Variants in SEC24B observed in about 807,000 individuals in gnomAD.
SEC24B encodes the protein protein transport protein Sec24B.
In SEC24B, 45 loss-of-function variants were observed where a neutral mutation model predicts 142.8. That is an observed-to-expected ratio of 0.32 (90% CI 0.25 to 0.40). The LOEUF (loss-of-function observed/expected upper bound fraction) is 0.40, where lower values mean the gene tolerates loss of function less well. Among genes scored for constraint, SEC24B ranks in the 10% least tolerant of loss-of-function variants. The probability of loss-of-function intolerance (pLI) is 1.00; values close to 1 mark genes in which losing one functional copy is unlikely to be tolerated. For synonymous variants in SEC24B, 574 were observed against 568.2 expected (o/e 1.01, Z -0.15); for missense variants, 1,409 against 1,526.8 (o/e 0.92, Z 1.29).
chr4:109,450,270 A>G (rs1476964354), intron 1 of SEC24B, among the ~76,000 whole-genome samples: 1 of 152,114 alleles, frequency 6.6e-6, no homozygotes. Flanking sequence ...AGGTATACCA[A>G]ATGATTTGTG....
chr4:109,437,235 C>T (rs1034482493), intron 1 of SEC24B, among the ~76,000 whole-genome samples: 5 of 152,120 alleles, frequency 3.3e-5, no homozygotes, highest in African/African-American at 9.7e-5. Context: ...CACATCTGGT[C>T]ACAGAAGTGG....
At position 109,433,889 on chromosome 4, in the gene SEC24B, C is replaced by T. The variant is rs969174381; in HGVS notation, c.20C>T (p.Ser7Phe). Reference protein sequence around the residue: MSAPAGSSHPAASARIP... With the variant: MSAPAGFSHPAASARIP... ...GCCGTCATGTCGGCCCCCGCCGGGT[C>T]CTCTCACCCGGCCGCCAGCGCCCGG... The change falls in exon 1 of 24, where the codon TCC (serine) becomes TTC (phenylalanine). Residue 7 changes from serine to phenylalanine, a missense_variant. Transcript: ENST00000265175. 3 of 1,343,436 alleles carry T rather than the reference C, an allele frequency of 2.2e-6. No homozygotes were observed. The African/African-American group carries it at 4.6e-5, about 20-fold the overall frequency. 83.2% of individuals were successfully genotyped at this position (1,343,436 alleles called of 1,614,324 possible).
intron 1 of SEC24B, among the ~76,000 whole-genome samples, chr4:109,458,310 T>C (rs1280154191): frequency 6.6e-6 from 1 of 152,220 alleles, no homozygotes; most frequent in Non-Finnish European, 1.5e-5. Context: ...TTTTGGAATA[T>C]ATTTTCTTTT....
chr4:109,500,849 G>T (rs1444238274), intron 6 of SEC24B, among the ~76,000 whole-genome samples: 1 of 152,036 alleles, frequency 6.6e-6, no homozygotes, highest in Non-Finnish European at 1.5e-5. Context: ...AGTAGAGATG[G>T]GGTTTCACCA....
intron 1 of SEC24B, among the ~76,000 whole-genome samples, chr4:109,454,297 G>A (rs1202510801): frequency 6.6e-6 from 1 of 152,006 alleles, no homozygotes; most frequent in Admixed American, 6.5e-5. Context: ...CCAGTACTTA[G>A]GGAGGCCGAG....
At position 109,433,862 on chromosome 4, in the gene SEC24B, G is replaced by A; in HGVS notation, c.-8G>A. The A allele has an allele frequency of 1.5e-6, 2 of 1,326,378 alleles. No individual in the cohort carries two copies. Among genetic ancestry groups the A allele is most frequent in the Non-Finnish European group, 1.9e-6 (2 of 1,035,482 alleles). 82.2% of individuals were successfully genotyped at this position (1,326,378 alleles called of 1,614,324 possible). On this transcript the variant is annotated 5_prime_UTR_variant, in exon 1 of 24. Coordinates refer to ENST00000265175, the MANE Select transcript of SEC24B (RefSeq NM_006323.5). ...TGAAGCGGAGCCGCCGTCGCCACCA[G>A]CGCCGTCATGTCGGCCCCCGCCGGG...
intron 4 of SEC24B, among the ~76,000 whole-genome samples, chr4:109,485,997 GA>G (rs994622264): frequency 4.7e-5 from 7 of 150,194 alleles, no homozygotes; most frequent in South Asian, 2.1e-4. Flanking sequence ...GAAAGCTGAG[GA>G]AAAAAAAACA....
At chr4:109,451,135 T>C (rs1432712508) in intron 1 of SEC24B, 1 of 152,206 alleles carries the variant, frequency 6.6e-6, no homozygotes, top group Non-Finnish European at 1.5e-5. Context: ...GCCCATTTAA[T>C]CCCATTTTAA....
intron 10 of SEC24B, 30 bp from the exon 11 acceptor site, chr4:109,516,498 A>G: frequency 2.9e-6 from 4 of 1,375,664 alleles, no homozygotes; most frequent in Non-Finnish European, 3.0e-6. Flanking sequence ...GTACCTACCA[A>G]ATAACTTACT....
At chr4:109,479,170 G>A (rs1733471255) in intron 3 of SEC24B, among the ~76,000 whole-genome samples, 3 of 152,078 alleles carry the variant, frequency 2.0e-5, no homozygotes, top group African/African-American at 7.2e-5. Flanking sequence ...AAAATATTGG[G>A]GCCCTTTGAA....
intron 6 of SEC24B, among the ~76,000 whole-genome samples, chr4:109,497,081 A>G (rs981962720): frequency 6.6e-6 from 1 of 152,262 alleles, no homozygotes. Flanking sequence ...TTGTAAATAA[A>G]GTTTTATTGC....
intron 11 of SEC24B, among the ~76,000 whole-genome samples, chr4:109,517,943 G>A (rs998230043): frequency 1.0e-4 from 14 of 139,828 alleles, no homozygotes; most frequent in African/African-American, 3.0e-4. Context: ...TTGTTTGTTT[G>A]TTTGTTTATT....
intron 6 of SEC24B, 48 bp from the exon 7 acceptor site, chr4:109,506,276 AATTT>A: frequency 3.0e-6 from 4 of 1,336,694 alleles, no homozygotes; most frequent in East Asian, 5.5e-5. Flanking sequence ...TATATAAGAA[AATTT>A]ATTTATGTTT....
intron 14 of SEC24B, among the ~76,000 whole-genome samples, chr4:109,523,583 T>C (rs1385429618): frequency 6.6e-6 from 1 of 152,216 alleles, no homozygotes; most frequent in Non-Finnish European, 1.5e-5. Context: ...CTATTTCAAA[T>C]AATAAATGAA....
At chr4:109,464,621 A>G (rs1356539268) in intron 2 of SEC24B, among the ~76,000 whole-genome samples, 1 of 152,230 alleles carries the variant, frequency 6.6e-6, no homozygotes, top group Admixed American at 6.5e-5. Flanking sequence ...GAACCGAATG[A>G]AAATGCATGT....
In SEC24B at chr4:109,539,680, G is replaced by A; in HGVS notation, c.*5G>A. 6.6e-7 allele frequency: 1 copy of A among 1,522,204 alleles called. No individual in the cohort carries two copies. Among genetic ancestry groups the A allele is most frequent in the South Asian group, 1.1e-5 (1 of 88,064 alleles). The allele number at this position is 1,522,204 out of a possible 1,614,324, so 94.3% of individuals were successfully genotyped here. On this transcript the variant is annotated 3_prime_UTR_variant, in exon 24 of 24. Coordinates refer to ENST00000265175, the MANE Select transcript of SEC24B (RefSeq NM_006323.5). ...CAGCAGCAGATTTGTAAGTGAAGTA[G>A]AATAAAATTGAATAAGAAAAAGATC...
At position 109,494,644 on chromosome 4, in the gene SEC24B, G is replaced by T; in HGVS notation, c.1276G>T (p.Ala426Ser). ...GCTTTCTTCATCAGCAAGCAGTCCT[G>T]CTCCTGATCCCGCCCCTGAACCTGA... ...DMLSSSASSPAPDPAPEPDPA... is the reference protein window; with the variant it reads ...DMLSSSASSPSPDPAPEPDPA... Residue 426 changes from alanine to serine, a missense_variant, in exon 6 of 24, where the codon GCT (alanine) becomes TCT (serine). Coordinates refer to ENST00000265175, the MANE Select transcript of SEC24B (RefSeq NM_006323.5). The T allele has an allele frequency of 6.2e-7, 1 of 1,614,004 alleles. No homozygotes were observed. The highest frequency in any genetic ancestry group is 8.5e-7 in the Non-Finnish European group (1 of 1,180,000).
intron 1 of SEC24B, among the ~76,000 whole-genome samples, chr4:109,456,814 T>C (rs1350267952): frequency 1.3e-5 from 2 of 152,230 alleles, no homozygotes; most frequent in African/African-American, 4.8e-5. Flanking sequence ...TGTTCAATGG[T>C]AGAGCTCACA....
intron 16 of SEC24B, among the ~76,000 whole-genome samples, chr4:109,525,887 C>T (rs558868176): frequency 1.3e-5 from 2 of 151,944 alleles, no homozygotes; most frequent in African/African-American, 4.8e-5. Flanking sequence ...CTTTATTTTA[C>T]CTTTATTTTA....
Sources: gnomAD v4.1 joint callset for allele counts (sites outside exome capture counted in the v4.1 genomes callset) on GRCh38, gnomAD v4.1.1 for gene constraint, MANE v1.5 for transcripts, NCBI Gene and HGNC (gene_info 2026-07-23, HGNC 2026-07-21) for gene names.